The following XKR3 variants were observed in gnomAD, a reference collection of about 807,000 sequenced individuals.
The protein encoded by XKR3 is XK-related protein 3.
Under a neutral mutation model 40.3 loss-of-function variants are expected in XKR3, and 27 were observed. That is an observed-to-expected ratio of 0.67 (90% CI 0.49 to 0.92). The LOEUF (loss-of-function observed/expected upper bound fraction) is 0.92. Ranked by LOEUF, XKR3 falls within the 40% of genes least tolerant of loss-of-function variation. The pLI, the probability that XKR3 is intolerant of heterozygous loss-of-function variation, is 0.00. For synonymous variants in XKR3, 193 were observed against 195.4 expected, an observed-to-expected ratio of 0.99 and a Z score of 0.10; for missense variants, 472 against 537.6, an observed-to-expected ratio of 0.88 and a Z score of 1.21.
At position 16,806,089 on chromosome 22, in the gene XKR3, C is replaced by T. The variant is rs142419272; in HGVS notation, c.335+1650G>A. Among the ~76,000 whole-genome samples, 529 of 152,080 alleles carry T rather than the reference C, an allele frequency of 3.5e-3. 3 individuals are homozygous for T. The highest frequency in any genetic ancestry group is 0.02 in the East Asian group (101 of 5,166). On this transcript the variant is annotated intron_variant, in intron 2 of 3. Coordinates refer to ENST00000684488, the MANE Select transcript of XKR3 (RefSeq NM_001386955.1). ...GCTTGGCCAACCTGGTGAAACACTA[C>T]CTCTAATAAAAGTATAAAAGTCAGT...
chr22:16,785,185 T>C (rs1427544131), intron 3 of XKR3, among the ~76,000 whole-genome samples: 3 of 151,910 alleles, frequency 2.0e-5, no homozygotes, highest in Non-Finnish European at 4.4e-5. Flanking sequence ...GGCGTAGTGG[T>C]GGGAGCTTGT....
chr22:16,824,315 G>GTT lies in XKR3; in HGVS notation c.-11+974_-11+975dup, dbSNP rs35229027. Among the ~76,000 whole-genome samples, 1,083 of 152,050 alleles carry GTT rather than the reference G, an allele frequency of 7.1e-3. 14 individuals carry two copies. The highest frequency in any genetic ancestry group is 0.025 in the African/African-American group (1,018 of 41,480). On this transcript the variant is annotated intron_variant, in intron 1 of 3. Transcript: ENST00000684488. ...ACTTATCTAGAGGCACCATAAAAATGTTTTTCCCCAAATAATGTCCATTAG... is the reference window on the plus strand; with the variant it reads ...ACTTATCTAGAGGCACCATAAAAATGTTTTTTTCCCCAAATAATGTCCATTAG...
At chr22:16,801,987 C>G (rs2060171307) in intron 2 of XKR3, among the ~76,000 whole-genome samples, 1 of 152,132 alleles carries the variant, frequency 6.6e-6, no homozygotes, top group Non-Finnish European at 1.5e-5. Context: ...TATAAAAAAT[C>G]ATTAATGTAA....
chr22:16,784,938 C>G (rs1180946227), intron 3 of XKR3, among the ~76,000 whole-genome samples: 1 of 152,104 alleles, frequency 6.6e-6, no homozygotes, highest in South Asian at 2.1e-4. Flanking sequence ...TAAAGTAAAT[C>G]CTGGAAGTGG....
At chr22:16,809,212 G>A (rs1391144819) in intron 1 of XKR3, among the ~76,000 whole-genome samples, 2 of 151,852 alleles carry the variant, frequency 1.3e-5, no homozygotes, top group Non-Finnish European at 2.9e-5. Flanking sequence ...AACTTCTTTT[G>A]TTTTTCTGAT....
intron 3 of XKR3, among the ~76,000 whole-genome samples, chr22:16,793,378 T>C (rs1410402502): frequency 6.6e-6 from 1 of 152,206 alleles, no homozygotes; most frequent in Non-Finnish European, 1.5e-5. Context: ...TGCAGACATG[T>C]TCAATGTACA....
Position 16,799,765 on chromosome 22 carries a change from A to G in XKR3, c.589+6T>C. On this transcript the variant is annotated splice_donor_region_variant and intron_variant, in intron 3 of 3. Transcript: ENST00000684488. ...GTGTCTTTCAGCATCAAGTAACTCA[A>G]CTTACCTCTATTCAAAGGCCATTCT... 1.2e-6 allele frequency: 2 copies of G among 1,613,720 alleles called. No individual in the cohort carries two copies. The highest frequency in any genetic ancestry group is 1.7e-6 in the Non-Finnish European group (2 of 1,179,870).
rs546856521 is a variant in XKR3 at position 16,820,409 on chromosome 22, A to G, written c.-11+4882T>C. Among the ~76,000 whole-genome samples, 29 of 152,270 alleles carry G rather than the reference A, an allele frequency of 1.9e-4. No homozygotes were observed. The South Asian group carries it at 6.0e-3, about 32-fold the overall frequency. On this transcript the variant is annotated intron_variant, in intron 1 of 3. Coordinates refer to ENST00000684488, the MANE Select transcript of XKR3 (RefSeq NM_001386955.1). The stretch of plus-strand genomic sequence containing the variant: ...GTGTTCCTCCTGTTTCTGCCACACT[A>G]TGCAACACAGGGAGATGGAAACAGA...
chr22:16,806,541 G>C (rs1182961331), intron 2 of XKR3, among the ~76,000 whole-genome samples: 1 of 137,162 alleles, frequency 7.3e-6, no homozygotes, highest in East Asian at 2.2e-4. Flanking sequence ...AGTTTCAAAA[G>C]ATTCTCTGGC....
At chr22:16,789,427 AAATG>A (rs1194948472) in intron 3 of XKR3, among the ~76,000 whole-genome samples, 2 of 152,008 alleles carry the variant, frequency 1.3e-5, no homozygotes, top group Non-Finnish European at 2.9e-5. Flanking sequence ...ATGGGAAAAC[AAATG>A]AATGAACAAA....
At chr22:16,792,570 A>G (rs1440285396) in intron 3 of XKR3, among the ~76,000 whole-genome samples, 2 of 152,246 alleles carry the variant, frequency 1.3e-5, no homozygotes, top group South Asian at 2.1e-4. Flanking sequence ...TTTTGGACAC[A>G]TGTAAACGTG....
chr22:16,804,595 C>A (rs770842067), intron 2 of XKR3, among the ~76,000 whole-genome samples: 4 of 152,168 alleles, frequency 2.6e-5, no homozygotes, highest in Non-Finnish European at 4.4e-5. Flanking sequence ...GTCATGTATT[C>A]TCTAAGGGCA....
intron 3 of XKR3, among the ~76,000 whole-genome samples, chr22:16,794,281 C>A (rs2060131938): frequency 5.9e-5 from 9 of 151,908 alleles, no homozygotes; most frequent in Admixed American, 5.9e-4. Flanking sequence ...CAAAAAGAAA[C>A]AAACAAACAA....
intron 1 of XKR3, among the ~76,000 whole-genome samples, chr22:16,817,994 G>T (rs1033115329): frequency 1.3e-5 from 2 of 151,964 alleles, no homozygotes; most frequent in Non-Finnish European, 2.9e-5. Context: ...TTTCCAAAGT[G>T]TATGGCAGGT....
At chr22:16,821,049 ATAT>A (rs1039716658) in intron 1 of XKR3, among the ~76,000 whole-genome samples, 3 of 152,192 alleles carry the variant, frequency 2.0e-5, no homozygotes, top group African/African-American at 7.2e-5. Flanking sequence ...GTAAATGGAA[ATAT>A]TATACAAAGA....
chr22:16,814,639 T>G (rs1330762793), intron 1 of XKR3, among the ~76,000 whole-genome samples: 1 of 152,186 alleles, frequency 6.6e-6, no homozygotes, highest in Non-Finnish European at 1.5e-5. Context: ...TTCTTTAATG[T>G]CTTTCAACAA....
intron 3 of XKR3, among the ~76,000 whole-genome samples, chr22:16,789,607 T>C (rs1210649763): frequency 1.6e-4 from 24 of 152,176 alleles, no homozygotes; most frequent in African/African-American, 4.3e-4. Flanking sequence ...CCCAAATAGG[T>C]CCACAGATTC....
At chr22:16,788,783 T>G (rs1445450853) in intron 3 of XKR3, among the ~76,000 whole-genome samples, 3 of 151,934 alleles carry the variant, frequency 2.0e-5, no homozygotes, top group Admixed American at 6.6e-5. Context: ...ATTTAGAAAA[T>G]CATTCATGAT....
intron 1 of XKR3, among the ~76,000 whole-genome samples, chr22:16,818,783 G>A (rs1242235815): frequency 5.9e-5 from 9 of 152,062 alleles, no homozygotes. Context: ...ATAGCAAGCT[G>A]AGCACCCAGG....
Sources: gnomAD v4.1 joint callset for allele counts (sites outside exome capture counted in the v4.1 genomes callset) on GRCh38, gnomAD v4.1.1 for gene constraint, MANE v1.5 for transcripts, NCBI Gene and HGNC (gene_info 2026-07-23, HGNC 2026-07-21) for gene names.